Variants in ITIH5 observed in about 807,000 individuals in gnomAD.
The protein encoded by ITIH5 is inter-alpha-trypsin inhibitor heavy chain 5, also known as inter-alpha-trypsin inhibitor heavy chain H5.
ITIH5 carries 65 observed loss-of-function variants against 77.5 expected under a neutral mutation model. That is an observed-to-expected ratio of 0.84 (90% CI 0.69 to 1.03). The LOEUF is 1.03. Ranked by LOEUF, ITIH5 falls within the 50% of genes least tolerant of loss-of-function variation. ITIH5 has a pLI of 0.00. For synonymous variants in ITIH5, 525 were observed against 494.3 expected, an observed-to-expected ratio of 1.06 and a Z score of -0.82; for missense variants, 1,208 against 1,213.1, an observed-to-expected ratio of 1.00 and a Z score of 0.06.
intron 1 of ITIH5, among the ~76,000 whole-genome samples, chr10:7,662,907 G>GT (rs568146709): frequency 1.3e-5 from 2 of 151,796 alleles, no homozygotes; most frequent in East Asian, 1.9e-4. Context: ...GATTTTTGTT[G>GT]TTTTTTTCCC....
In ITIH5 at chr10:7,575,490, A is replaced by G. The variant is rs138614993; in HGVS notation, c.1978+963T>C. ...GAGAGAACTTGACAGGAGCCCAGTA[A>G]AAATGTGATGCATGTGAAACGCGAT... is the stretch of plus-strand genomic sequence containing the variant. On this transcript the variant is annotated intron_variant, in intron 10 of 13. Transcript: ENST00000397146. 3.9e-5 allele frequency among the ~76,000 whole-genome samples: 6 copies of G among 152,316 alleles called. No homozygotes were observed. In the East Asian group the frequency reaches 7.7e-4, roughly 20 times the overall value.
chr10:7,629,211 G>A (rs1421475116), intron 5 of ITIH5, among the ~76,000 whole-genome samples: 3 of 133,786 alleles, frequency 2.2e-5, no homozygotes, highest in Admixed American at 7.6e-5. Flanking sequence ...TGTAGCGTGT[G>A]TCCCTGTTGT....
rs1832512979 is a variant in ITIH5, at chr10:7,579,998, C to G, written c.1175G>C (p.Gly392Ala). 6.2e-7 allele frequency: 1 copy of G among 1,613,798 alleles called. No homozygotes were observed. Residue 392 changes from glycine (G) to alanine (A), a missense_variant, in exon 9 of 14, where the codon GGC becomes GCC. Physicochemically the swap from Gly to Ala is moderately conservative, Grantham distance 60. Coordinates refer to ENST00000397146, the MANE Select transcript of ITIH5 (RefSeq NM_030569.7). ...RLLNKYVAHSGIGDRSVSLIV... is the reference protein window; with the variant it reads ...RLLNKYVAHSAIGDRSVSLIV... ...GAGGGACACGCTCCGGTCTCCAATG[C>G]CACTGTGGGCCACGTACTTGTTGAG...
chr10:7,566,204 C>A lies in ITIH5; in HGVS notation c.2353G>T (p.Gly785Trp), dbSNP rs1394629238. 15 of 1,613,866 alleles carry A rather than the reference C, an allele frequency of 9.3e-6. No homozygotes were observed. The highest frequency in any genetic ancestry group is 1.3e-5 in the Non-Finnish European group (15 of 1,179,966). ...TTGGCAGACACGGACACCTCCAGCCCCCAGCTCCCCACCACCACACTCTGG... is the reference window on the plus strand; with the variant it reads ...TTGGCAGACACGGACACCTCCAGCCACCAGCTCCCCACCACCACACTCTGG... ...CNQSVVVGSW[G>W]LEVSVSANAN... Residue 785 changes from glycine to tryptophan, a missense_variant, in exon 13 of 14, where the codon GGG becomes TGG. Physicochemically the swap from Gly to Trp is radical, Grantham distance 184 (BLOSUM62 -2). Transcript: ENST00000397146.
intron 5 of ITIH5, chr10:7,619,947 C>T (rs61230593): frequency 0.039 from 6,010 of 152,444 alleles, 422 homozygotes; most frequent in African/African-American, 0.14. Flanking sequence ...GAGGCTGAGG[C>T]GGGTGGATCA....
Position 7,666,895 on chromosome 10 carries a change from C to G in ITIH5, c.-3G>C. 1.3e-6 allele frequency: 2 copies of G among 1,588,032 alleles called. No homozygotes were observed. The highest frequency in any genetic ancestry group is 1.1e-5 in the South Asian group (1 of 88,166). ...CACAGCCCCAGCAGCAGGAGCATGG[C>G]GGGGCGAGGGCGCGGGACGCTCGGG... On this transcript the variant is annotated 5_prime_UTR_variant, in exon 1 of 14. Coordinates refer to ENST00000397146, the MANE Select transcript of ITIH5 (RefSeq NM_030569.7).
In ITIH5 at chr10:7,571,219, G is replaced by A. The variant is rs376984592; in HGVS notation, c.2033-1435C>T. Among the ~76,000 whole-genome samples the A allele has an allele frequency of 1.1e-4, 16 of 152,128 alleles. No homozygotes were observed. In the East Asian group the frequency reaches 1.2e-3, roughly 11 times the overall value. Reference sequence around the variant, plus strand: ...TGGGGAAAAACTGACCCCCAGAGGAGATCAAAGTTCTCATCCACATTGCTG... The same window carrying A: ...TGGGGAAAAACTGACCCCCAGAGGAAATCAAAGTTCTCATCCACATTGCTG... On this transcript the variant is annotated intron_variant, in intron 11 of 13. Coordinates refer to ENST00000397146, the MANE Select transcript of ITIH5 (RefSeq NM_030569.7).
chr10:7,585,572 C>T (rs1832655810), intron 8 of ITIH5, among the ~76,000 whole-genome samples: 1 of 152,142 alleles, frequency 6.6e-6, no homozygotes, highest in South Asian at 2.1e-4. Flanking sequence ...ATTCTCCACC[C>T]CAAAACCGTT....
rs529792228 is a variant in ITIH5 at position 7,617,436 on chromosome 10, C to T, written c.653-154G>A. The stretch of plus-strand genomic sequence containing the variant: ...AAGACTGTACTCATATATCACAATG[C>T]GAGAGTTATGTCATCATATAGTTTC... On this transcript the variant is annotated intron_variant, in intron 5 of 13. Transcript: ENST00000397146. 19 of 479,128 alleles carry T rather than the reference C, an allele frequency of 4.0e-5. No individual in the cohort carries two copies. In the South Asian group the frequency reaches 4.8e-4, roughly 12 times the overall value. The allele number at this position is 479,128 out of a possible 1,614,324, so 29.7% of individuals were successfully genotyped here.
At chr10:7,649,881 T>G (rs533545491) in intron 2 of ITIH5, among the ~76,000 whole-genome samples, 1 of 152,218 alleles carries the variant, frequency 6.6e-6, no homozygotes, top group Non-Finnish European at 1.5e-5. Flanking sequence ...TATAAAACAG[T>G]GGCCTCACTT....
Position 7,641,643 on chromosome 10 carries a change from AG to A in ITIH5, c.299+283del, listed in dbSNP as rs1478926057. Among the ~76,000 whole-genome samples, 8 of 104,554 alleles carry A rather than the reference AG, an allele frequency of 7.7e-5. No homozygotes were observed. The East Asian group carries it at 2.6e-3, about 34-fold the overall frequency. The allele number at this position is 104,554 out of a possible 152,430, so 68.6% of individuals were successfully genotyped here. A position where few individuals can be genotyped will look rare whatever the true frequency, so the allele number is the denominator to read the frequency against. On this transcript the variant is annotated intron_variant, in intron 3 of 13. Transcript: ENST00000397146. ...ACGAGGAGGGAAGGAAAGAAAAGGA[AG>A]GAAGGAAGGGAGGGAGGGAGGGAGG...
intron 2 of ITIH5, among the ~76,000 whole-genome samples, chr10:7,650,540 G>T (rs1834081531): frequency 6.6e-6 from 1 of 152,130 alleles, no homozygotes; most frequent in African/African-American, 2.4e-5. Context: ...TTTGAGACCA[G>T]CCTGGCCAAC....
intron 7 of ITIH5, among the ~76,000 whole-genome samples, chr10:7,608,768 G>A (rs1588395656): frequency 6.6e-6 from 1 of 152,332 alleles, no homozygotes; most frequent in African/African-American, 2.4e-5. Context: ...TCATGAAAGG[G>A]AAAGAAGTTT....
intron 5 of ITIH5, among the ~76,000 whole-genome samples, chr10:7,626,879 C>T (rs1388065254): frequency 6.6e-6 from 1 of 152,058 alleles, no homozygotes; most frequent in African/African-American, 2.4e-5. Context: ...TCTCTTAATC[C>T]CTGCTTCATA....
chr10:7,641,687 AGGG>A (rs1833890728), intron 3 of ITIH5, among the ~76,000 whole-genome samples: 1 of 65,468 alleles, frequency 1.5e-5, no homozygotes, highest in African/African-American at 6.2e-5. Context: ...GGAAGGAGGG[AGGG>A]AGGGAGGGAG....
chr10:7,615,214 G>A (rs962163159), intron 7 of ITIH5, among the ~76,000 whole-genome samples: 3 of 152,160 alleles, frequency 2.0e-5, no homozygotes, highest in African/African-American at 4.8e-5. Context: ...TCACGCCATT[G>A]CACTCCAGCC....
intron 2 of ITIH5, among the ~76,000 whole-genome samples, chr10:7,644,389 C>T (rs1465374612): frequency 1.7e-5 from 2 of 119,220 alleles, no homozygotes; most frequent in East Asian, 5.3e-4. Flanking sequence ...ACATATATCA[C>T]ATATATCACA....
At chr10:7,589,180 G>A (rs1022382122) in intron 7 of ITIH5, among the ~76,000 whole-genome samples, 6 of 152,264 alleles carry the variant, frequency 3.9e-5, no homozygotes, top group Middle Eastern at 3.4e-3. Flanking sequence ...CTCAGGTGCC[G>A]GGCGCAGTGG....
chr10:7,591,363 A>C (rs994872275), intron 7 of ITIH5, among the ~76,000 whole-genome samples: 4 of 152,216 alleles, frequency 2.6e-5, no homozygotes, highest in South Asian at 2.1e-4. Context: ...CTGTGGTGGC[A>C]CCAGGGGCTG....
Sources: gnomAD v4.1 joint callset for allele counts (sites outside exome capture counted in the v4.1 genomes callset) on GRCh38, gnomAD v4.1.1 for gene constraint, MANE v1.5 for transcripts, NCBI Gene and HGNC (gene_info 2026-07-23, HGNC 2026-07-21) for gene names.